The following BPIFC variants were observed in gnomAD, a reference collection of about 807,000 sequenced individuals.
BPIFC encodes the protein BPI fold containing family C, also known as BPI fold-containing family C protein.
Under a neutral mutation model 57.6 loss-of-function variants are expected in BPIFC, and 60 were observed. The observed-to-expected ratio is 1.04, with a 90% confidence interval of 0.85 to 1.29. The LOEUF is 1.29. BPIFC is among the 50% of genes most tolerant of loss of function. The pLI is 0.00. For missense variants in BPIFC, 581 were observed against 600.5 expected, an observed-to-expected ratio of 0.97 and a Z score of 0.34; for synonymous variants, 243 against 224.5, an observed-to-expected ratio of 1.08 and a Z score of -0.74.
At chr22:32,430,475 T>C (rs1483803206) in intron 13 of BPIFC, among the ~76,000 whole-genome samples, 1 of 149,134 alleles carries the variant, frequency 6.7e-6, no homozygotes, top group Admixed American at 6.7e-5. Flanking sequence ...TGTATGTTTA[T>C]ATAAAATAAA....
chr22:32,419,258 A>C, intron 14 of BPIFC, 104 bp downstream of exon 14: 1 of 1,237,716 alleles, frequency 8.1e-7, no homozygotes, highest in Non-Finnish European at 1.1e-6. Flanking sequence ...TTATGGAGGA[A>C]TCAAGGACTC....
intron 6 of BPIFC, 39 bp downstream of exon 6, chr22:32,445,802 C>G (rs772222586): frequency 6.2e-7 from 1 of 1,611,976 alleles, no homozygotes; most frequent in South Asian, 1.1e-5. Context: ...AGTATCCAGC[C>G]CCTAACTAGC....
At chr22:32,423,577 G>GGGGTGTGTGTGT (rs1556036074) in intron 13 of BPIFC, among the ~76,000 whole-genome samples, 4,818 of 143,220 alleles carry the variant, frequency 0.034, 200 homozygotes, top group Admixed American at 0.083. Context: ...GTAGGGTGTG[G>GGGGTGTGTGTGT]GTGTGTGTGT....
intron 13 of BPIFC, among the ~76,000 whole-genome samples, chr22:32,422,870 G>A (rs953367545): frequency 1.3e-5 from 2 of 152,142 alleles, no homozygotes; most frequent in African/African-American, 4.8e-5. Flanking sequence ...TCTCTAGCAT[G>A]TCCTTGGCAC....
chr22:32,450,609 A>T (rs768443731), intron 4 of BPIFC, among the ~76,000 whole-genome samples: 49 of 151,944 alleles, frequency 3.2e-4, no homozygotes, highest in Non-Finnish European at 6.6e-4. Context: ...TTCTTTTTTT[A>T]AAAAAATAAG....
At chr22:32,417,246 G>A in intron 14 of BPIFC, 98 bp from the exon 15 acceptor site, 1 of 840,032 alleles carries the variant, frequency 1.2e-6, no homozygotes, top group Non-Finnish European at 1.9e-6. Flanking sequence ...TGTGATCATG[G>A]CTCTCTCCAG....
rs182295988 is a variant in BPIFC, at chr22:32,416,764, C to T, written c.1324+321G>A. ...GGAGATATCCCGTAGGGAAAATAAT[C>T]TCGTTTCCGGTTGACTGGAAGGAGA... is the stretch of plus-strand genomic sequence containing the variant. On this transcript the variant is annotated intron_variant, in intron 15 of 16. Transcript: ENST00000300399. Among the ~76,000 whole-genome samples, 293 of 152,278 alleles carry T rather than the reference C, an allele frequency of 1.9e-3. 3 individuals carry two copies. The highest frequency in any genetic ancestry group is 6.9e-3 in the African/African-American group (285 of 41,556).
chr22:32,458,226 C>T (rs1935085724), intron 2 of BPIFC, among the ~76,000 whole-genome samples: 1 of 152,200 alleles, frequency 6.6e-6, no homozygotes, highest in African/African-American at 2.4e-5. Flanking sequence ...ACCTGGCTCT[C>T]ATGATCCCAG....
intron 3 of BPIFC, among the ~76,000 whole-genome samples, chr22:32,453,941 AC>A (rs202022952): frequency 0.025 from 3,118 of 123,454 alleles, 48 homozygotes; most frequent in South Asian, 0.076. Flanking sequence ...AACAACAACA[AC>A]AAAAAAAAAA....
chr22:32,424,619 C>T lies in BPIFC; in HGVS notation c.1218-5215G>A, dbSNP rs1171529880. 2.9e-3 allele frequency among the ~76,000 whole-genome samples: 167 copies of T among 56,872 alleles called. 35 individuals carry two copies. The Middle Eastern group carries it at 0.03, about 10-fold the overall frequency. The allele number at this position is 56,872 out of a possible 152,430, so 37.3% of individuals were successfully genotyped here. ...TCTTCTTCTCCTCCTCCTCCTCCTCCTCCTCCTCCTCTTCTTCTTCTTCTC... is the reference window on the plus strand; with the variant it reads ...TCTTCTTCTCCTCCTCCTCCTCCTCTTCCTCCTCCTCTTCTTCTTCTTCTC... On this transcript the variant is annotated intron_variant, in intron 13 of 16. Transcript: ENST00000300399.
At position 32,435,791 on chromosome 22, in the gene BPIFC, G is replaced by A; in HGVS notation, c.837C>T (p.Tyr279=). Residue 279 remains tyrosine, a synonymous_variant, in exon 10 of 17, where the codon TAC becomes TAT. Transcript: ENST00000300399. ...TAAAGAAATACTCGGCGATTCCAAT[G>A]TAGAGCATGGAGTTGCTGCGTTCTG... ...VLPERSNSML[Y]IGIAEYFFKS... 2 of 1,614,180 alleles carry A rather than the reference G, an allele frequency of 1.2e-6. No individual in the cohort carries two copies. The highest frequency in any genetic ancestry group is 1.7e-6 in the Non-Finnish European group (2 of 1,180,030).
chr22:32,462,187 A>AAAAG (rs1234311765), intron 1 of BPIFC, among the ~76,000 whole-genome samples: 13 of 144,750 alleles, frequency 9.0e-5, no homozygotes, highest in African/African-American at 3.5e-4. Flanking sequence ...AAAAAAAAAA[A>AAAAG]AAAGAAAAAA....
intron 10 of BPIFC, 105 bp from the exon 11 acceptor site, chr22:32,433,877 A>G: frequency 2.1e-6 from 2 of 953,300 alleles, no homozygotes; most frequent in Non-Finnish European, 3.3e-6. Context: ...AAGCTGTTAC[A>G]CCATAAAATA....
At chr22:32,461,265 A>T (rs999611437) in intron 2 of BPIFC, among the ~76,000 whole-genome samples, 6 of 152,140 alleles carry the variant, frequency 3.9e-5, no homozygotes, top group Non-Finnish European at 8.8e-5. Context: ...AGCCCTAAAG[A>T]GCTGGTTTGG....
chr22:32,461,966 G>A (rs1484593841), intron 1 of BPIFC, among the ~76,000 whole-genome samples: 1 of 151,978 alleles, frequency 6.6e-6, no homozygotes, highest in Non-Finnish European at 1.5e-5. Context: ...GAGGTCAAGA[G>A]ATCAAGGCCA....
chr22:32,445,520 G>A, intron 7 of BPIFC, 115 bp downstream of exon 7: 1 of 1,140,100 alleles, frequency 8.8e-7, no homozygotes, highest in Admixed American at 2.0e-5. Context: ...CTGGGCGACA[G>A]AGCGAGACTC....
At chr22:32,438,697 T>C (rs1934479319) in intron 8 of BPIFC, among the ~76,000 whole-genome samples, 1 of 152,148 alleles carries the variant, frequency 6.6e-6, no homozygotes, top group Non-Finnish European at 1.5e-5. Flanking sequence ...CAGCCCTATA[T>C]AGTTATTTTT....
chr22:32,443,857 A>G (rs1934638928), intron 7 of BPIFC, among the ~76,000 whole-genome samples: 1 of 152,206 alleles, frequency 6.6e-6, no homozygotes, highest in African/African-American at 2.4e-5. Context: ...AGTAAGTGTT[A>G]GCCGTTGTTA....
intron 11 of BPIFC, among the ~76,000 whole-genome samples, chr22:32,433,205 AAAAC>A (rs779235460): frequency 5.9e-5 from 9 of 152,216 alleles, no homozygotes; most frequent in Non-Finnish European, 1.0e-4. Flanking sequence ...CCTGTCTCAA[AAAAC>A]AAACAAACAA....
Sources: gnomAD v4.1 joint callset for allele counts (sites outside exome capture counted in the v4.1 genomes callset) on GRCh38, gnomAD v4.1.1 for gene constraint, MANE v1.5 for transcripts, NCBI Gene and HGNC (gene_info 2026-07-23, HGNC 2026-07-21) for gene names.